The following GRID1 variants were observed in gnomAD, a reference collection of about 807,000 sequenced individuals.
GRID1 encodes glutamate receptor ionotropic, delta-1.
GRID1 carries 28 observed loss-of-function variants against 98.0 expected under a neutral mutation model. The observed-to-expected ratio is 0.29, with a 90% CI of 0.21 to 0.39. GRID1 has a LOEUF of 0.39. GRID1 is among the 10% of genes least tolerant of loss of function. The pLI, the probability that GRID1 is intolerant of heterozygous loss-of-function variation, is 1.00. For synonymous variants in GRID1, 553 were observed against 538.5 expected (o/e 1.03, Z -0.37); for missense variants, 1,111 against 1,340.5 (o/e 0.83, Z 2.67).
At chr10:85,808,899 A>T (rs1842645056) in intron 8 of GRID1, among the ~76,000 whole-genome samples, 1 of 152,158 alleles carries the variant, frequency 6.6e-6, no homozygotes, top group Non-Finnish European at 1.5e-5. Flanking sequence ...TAGAATTAAG[A>T]CCTTAAAAGG....
intron 8 of GRID1, among the ~76,000 whole-genome samples, chr10:85,731,613 C>T (rs117002031): frequency 6.6e-6 from 1 of 151,748 alleles, no homozygotes; most frequent in African/African-American, 2.4e-5. Context: ...CCAGCCTGGG[C>T]AATGTGGTGA....
intron 4 of GRID1, among the ~76,000 whole-genome samples, chr10:85,956,986 G>A (rs1199724221): frequency 2.0e-5 from 3 of 152,186 alleles, no homozygotes; most frequent in Non-Finnish European, 4.4e-5. Flanking sequence ...CATGGTGGAA[G>A]GGGAAGCAAA....
intron 4 of GRID1, among the ~76,000 whole-genome samples, chr10:86,037,232 G>C (rs1843277756): frequency 6.6e-6 from 1 of 152,210 alleles, no homozygotes; most frequent in Non-Finnish European, 1.5e-5. Context: ...CAAGGACCAA[G>C]ATCTGGCTTT....
chr10:85,827,778 A>G (rs1172853606), intron 8 of GRID1, among the ~76,000 whole-genome samples: 1 of 152,134 alleles, frequency 6.6e-6, no homozygotes, highest in Non-Finnish European at 1.5e-5. Context: ...TCAAACCCAG[A>G]AGCACCAAGG....
chr10:85,787,604 A>G (rs753790520), intron 8 of GRID1, among the ~76,000 whole-genome samples: 5 of 152,088 alleles, frequency 3.3e-5, no homozygotes, highest in African/African-American at 4.8e-5. Flanking sequence ...TTCCCTTCCA[A>G]GAGCCTGCCC....
At chr10:86,279,270 A>G (rs1847320138) in intron 2 of GRID1, among the ~76,000 whole-genome samples, 1 of 152,158 alleles carries the variant, frequency 6.6e-6, no homozygotes, top group East Asian at 1.9e-4. Flanking sequence ...AGCCTCCAGA[A>G]CTGTAAGAAA....
chr10:85,671,410 A>T (rs1841083516), intron 12 of GRID1, among the ~76,000 whole-genome samples: 2 of 152,170 alleles, frequency 1.3e-5, no homozygotes, highest in African/African-American at 4.8e-5. Flanking sequence ...TATCTGTTAC[A>T]GTGATCTATG....
chr10:86,134,172 C>T (rs910478104), intron 4 of GRID1, among the ~76,000 whole-genome samples: 1 of 152,222 alleles, frequency 6.6e-6, no homozygotes, highest in Non-Finnish European at 1.5e-5. Context: ...CACTGGAATG[C>T]CCACCAGTGG....
At chr10:85,866,458 A>G (rs1276984063) in intron 6 of GRID1, among the ~76,000 whole-genome samples, 2 of 150,552 alleles carry the variant, frequency 1.3e-5, no homozygotes, top group Non-Finnish European at 3.0e-5. Flanking sequence ...TTTTTTTTTC[A>G]GATTTTGAAA....
At chr10:86,017,284 G>C (rs902112374) in intron 4 of GRID1, among the ~76,000 whole-genome samples, 4 of 152,196 alleles carry the variant, frequency 2.6e-5, no homozygotes, top group South Asian at 2.1e-4. Flanking sequence ...TGTATAACCT[G>C]TCCTTATTCT....
At chr10:85,742,127 T>G (rs1841949913) in intron 8 of GRID1, among the ~76,000 whole-genome samples, 1 of 152,234 alleles carries the variant, frequency 6.6e-6, no homozygotes, top group African/African-American at 2.4e-5. Context: ...ATGTCTATTT[T>G]GCTCACCAGC....
At chr10:85,945,129 C>T (rs1014446663) in intron 4 of GRID1, among the ~76,000 whole-genome samples, 8 of 151,770 alleles carry the variant, frequency 5.3e-5, no homozygotes, top group African/African-American at 9.7e-5. Context: ...GCAGGTGCTC[C>T]GTTATGTGTA....
intron 2 of GRID1, among the ~76,000 whole-genome samples, chr10:86,345,630 T>C (rs1482606028): frequency 6.6e-6 from 1 of 152,164 alleles, no homozygotes; most frequent in African/African-American, 2.4e-5. Flanking sequence ...TTGGGGGAGC[T>C]GACTAGCCTG....
chr10:86,188,018 T>G (rs1845749702), intron 3 of GRID1, among the ~76,000 whole-genome samples: 1 of 152,170 alleles, frequency 6.6e-6, no homozygotes, highest in African/African-American at 2.4e-5. Context: ...TCCAGGCCTT[T>G]GCCCTGCCCT....
chr10:85,720,297 A>C (rs912853284), intron 12 of GRID1, among the ~76,000 whole-genome samples: 1 of 152,130 alleles, frequency 6.6e-6, no homozygotes, highest in African/African-American at 2.4e-5. Flanking sequence ...TTAGGTGATA[A>C]TTTTGAAAAT....
intron 2 of GRID1, among the ~76,000 whole-genome samples, chr10:86,229,588 A>G (rs1249491041): frequency 2.6e-5 from 4 of 152,100 alleles, no homozygotes; most frequent in Non-Finnish European, 5.9e-5. Context: ...CAGTGGGTGC[A>G]CTTCTGGGAG....
intron 14 of GRID1, among the ~76,000 whole-genome samples, chr10:85,618,916 C>T (rs374185345): frequency 2.0e-5 from 3 of 152,190 alleles, no homozygotes; most frequent in Non-Finnish European, 2.9e-5. Flanking sequence ...AGGACTCTCA[C>T]GTCTCCAAAT....
At chr10:86,172,956 A>C (rs1361598889) in intron 3 of GRID1, among the ~76,000 whole-genome samples, 1 of 152,228 alleles carries the variant, frequency 6.6e-6, no homozygotes, top group East Asian at 1.9e-4. Context: ...CCCTCAAATT[A>C]AGTTGAAGAA....
chr10:86,148,625 C>CA (rs1316847307), intron 3 of GRID1, among the ~76,000 whole-genome samples: 1 of 151,548 alleles, frequency 6.6e-6, no homozygotes, highest in South Asian at 2.1e-4. Flanking sequence ...GTTCTCACCA[C>CA]AAAAAAATAA....
Sources: gnomAD v4.1 joint callset for allele counts (sites outside exome capture counted in the v4.1 genomes callset) on GRCh38, gnomAD v4.1.1 for gene constraint, MANE v1.5 for transcripts, NCBI Gene and HGNC (gene_info 2026-07-23, HGNC 2026-07-21) for gene names.